THSD4: variants seen among roughly 807,000 people sequenced by gnomAD.
THSD4 encodes the protein thrombospondin type 1 domain containing 4.
Under a neutral mutation model 119.0 loss-of-function variants are expected in THSD4, and 69 were observed. The ratio of observed to expected loss-of-function variants is 0.58; its 90% CI spans 0.48 to 0.71. The LOEUF (loss-of-function observed/expected upper bound fraction) is 0.71, where lower values mean the gene tolerates loss of function less well. THSD4 is among the 30% of genes least tolerant of loss of function. THSD4 has a pLI of 0.00. For synonymous variants in THSD4, 524 were observed against 540.4 expected (o/e 0.97, Z 0.42); for missense variants, 1,393 against 1,391.1 (o/e 1.00, Z -0.02).
chr15:71,364,403 A>C (rs1482920249), intron 6 of THSD4, among the ~76,000 whole-genome samples: 4 of 152,242 alleles, frequency 2.6e-5, no homozygotes, highest in African/African-American at 9.6e-5. Context: ...TGTTTCTAAT[A>C]CAGATTAATT....
intron 3 of THSD4, among the ~76,000 whole-genome samples, chr15:71,191,487 G>A (rs2043670898): frequency 6.6e-6 from 1 of 152,148 alleles, no homozygotes. Flanking sequence ...ATTATTTGCT[G>A]CGTGCCAGGC....
In THSD4 at chr15:71,350,141, TAAA is replaced by T. The variant is rs3086680; in HGVS notation, c.1016-61528_1016-61526del. On this transcript the variant is annotated intron_variant, in intron 6 of 17. Coordinates refer to ENST00000261862, the MANE Select transcript of THSD4 (RefSeq NM_024817.3). ...AATAATTATATAAACTGCAAATTAC[TAAA>T]AAAAAAAAAAAAAAAAATGAACATT... 2.0e-3 allele frequency among the ~76,000 whole-genome samples: 222 copies of T among 111,140 alleles called. 1 individual carries two copies. The highest frequency in any genetic ancestry group is 8.2e-3 in the East Asian group (36 of 4,408). The allele number at this position is 111,140 out of a possible 152,430, so 72.9% of individuals were successfully genotyped here.
intron 7 of THSD4, among the ~76,000 whole-genome samples, chr15:71,442,658 GTGTATATATATATATATATATATATATA>G (rs2047121211): frequency 3.2e-5 from 1 of 31,348 alleles, no homozygotes; most frequent in African/African-American, 9.9e-5. Flanking sequence ...GTGTGTGTGT[GTGTATATATATATATATATATATATATA>G]TATATATATA....
intron 7 of THSD4, among the ~76,000 whole-genome samples, chr15:71,424,049 A>G (rs2046840397): frequency 6.6e-6 from 1 of 152,164 alleles, no homozygotes; most frequent in Non-Finnish European, 1.5e-5. Flanking sequence ...CTGCTGGGGA[A>G]TAGGAGAGGA....
chr15:71,259,989 G>A (rs73433472), intron 6 of THSD4, among the ~76,000 whole-genome samples: 4,423 of 152,222 alleles, frequency 0.029, 221 homozygotes, highest in African/African-American at 0.1. Context: ...ACTACACTGA[G>A]CAGTGTGCGT....
chr15:71,630,421 G>A (rs972215688), intron 7 of THSD4, among the ~76,000 whole-genome samples: 2 of 152,122 alleles, frequency 1.3e-5, no homozygotes, highest in African/African-American at 2.4e-5. Flanking sequence ...CAAAACATTT[G>A]TTTATATTTT....
intron 6 of THSD4, among the ~76,000 whole-genome samples, chr15:71,365,832 A>T (rs2045954773): frequency 6.6e-6 from 1 of 152,046 alleles, no homozygotes; most frequent in South Asian, 2.1e-4. Flanking sequence ...GACTTTTTTG[A>T]TCACTCTCAA....
At chr15:71,161,218 T>C (rs2043247216) in intron 3 of THSD4, among the ~76,000 whole-genome samples, 1 of 152,116 alleles carries the variant, frequency 6.6e-6, no homozygotes, top group Admixed American at 6.5e-5. Flanking sequence ...AGAATGTGTA[T>C]TCTGCATCTC....
Position 71,436,267 on chromosome 15 carries a change from T to C in THSD4, c.1152+24444T>C, listed in dbSNP as rs555475687. 4.6e-5 allele frequency among the ~76,000 whole-genome samples: 7 copies of C among 151,944 alleles called. No individual in the cohort carries two copies. In the South Asian group the frequency reaches 1.5e-3, roughly 32 times the overall value. ...TTCTACCCTGTGATACCCTTATTTA[T>C]GACAAAACAAAACAGGAAGACAAAG... On this transcript the variant is annotated intron_variant, in intron 7 of 17. Transcript: ENST00000261862.
Position 71,731,118 on chromosome 15 carries a change from C to T in THSD4, c.1534-3C>T, listed in dbSNP as rs765696206. 1 of 1,614,088 alleles carries T rather than the reference C, an allele frequency of 6.2e-7. No homozygotes were observed. Among genetic ancestry groups the T allele is most frequent in the Non-Finnish European group, 8.5e-7 (1 of 1,179,978 alleles). ...GCGGTAACACTGATTTTTGTGTCAG[C>T]AGATGATACACCAGCAGCCAAACCC... On this transcript the variant is annotated splice_polypyrimidine_tract_variant and splice_region_variant and intron_variant, in intron 9 of 17. Transcript: ENST00000261862.
At chr15:71,438,107 C>T (rs1024784466) in intron 7 of THSD4, among the ~76,000 whole-genome samples, 8 of 152,176 alleles carry the variant, frequency 5.3e-5, no homozygotes, top group African/African-American at 1.9e-4. Context: ...CCACCCTGGT[C>T]CCAGCTCTGT....
At chr15:71,217,096 C>T (rs983272423) in intron 4 of THSD4, among the ~76,000 whole-genome samples, 1 of 152,166 alleles carries the variant, frequency 6.6e-6, no homozygotes, top group African/African-American at 2.4e-5. Flanking sequence ...TGCGCCTGGC[C>T]CATAGTCCCT....
At position 71,763,344 on chromosome 15, in the gene THSD4, T is replaced by C. The variant is rs146592016; in HGVS notation, c.2590-1676T>C. On this transcript the variant is annotated intron_variant, in intron 15 of 17. Transcript: ENST00000261862. The stretch of plus-strand genomic sequence containing the variant: ...TGAACTGCAGACATTGTTGCAGGCT[T>C]CTTATAAAGGTAGTCGATTCTTTAA... 6.1e-4 allele frequency among the ~76,000 whole-genome samples: 93 copies of C among 151,610 alleles called. No individual in the cohort carries two copies. The East Asian group carries it at 0.01, about 17-fold the overall frequency.
chr15:71,743,049 T>A (rs2141163799), intron 11 of THSD4, among the ~76,000 whole-genome samples: 1 of 90,950 alleles, frequency 1.1e-5, no homozygotes, highest in African/African-American at 3.6e-5. Flanking sequence ...AGCTAAACTC[T>A]GTCTCAAAAA....
Position 71,161,446 on chromosome 15 carries a change from G to A in THSD4, c.99+6514G>A, listed in dbSNP as rs374446776. Among the ~76,000 whole-genome samples the A allele has an allele frequency of 4.6e-5, 7 of 152,088 alleles. No individual in the cohort carries two copies. The East Asian group carries it at 9.7e-4, about 21-fold the overall frequency. On this transcript the variant is annotated intron_variant, in intron 3 of 17. Coordinates refer to ENST00000261862, the MANE Select transcript of THSD4 (RefSeq NM_024817.3). ...AGATGCTCCAGTGTTGGGTGCATAC[G>A]TATTTATAATGATTATATCCTCTTA...
intron 7 of THSD4, among the ~76,000 whole-genome samples, chr15:71,563,476 C>T (rs2049166959): frequency 6.6e-6 from 1 of 152,094 alleles, no homozygotes; most frequent in Non-Finnish European, 1.5e-5. Flanking sequence ...TAAAGGCGGC[C>T]CTCTAATTAT....
chr15:71,280,611 C>T (rs549603872), intron 6 of THSD4, among the ~76,000 whole-genome samples: 4 of 151,604 alleles, frequency 2.6e-5, no homozygotes, highest in Non-Finnish European at 4.4e-5. Context: ...TCCCTCCCTC[C>T]CTCTCTCTCT....
intron 6 of THSD4, among the ~76,000 whole-genome samples, chr15:71,374,374 A>G (rs1356827759): frequency 1.3e-5 from 2 of 152,248 alleles, no homozygotes; most frequent in Non-Finnish European, 2.9e-5. Context: ...GAGCTGGATA[A>G]GAGAGAGATC....
At position 71,379,490 on chromosome 15, in the gene THSD4, G is replaced by T. The variant is rs186053644; in HGVS notation, c.1016-32197G>T. Among the ~76,000 whole-genome samples, 470 of 106,480 alleles carry T rather than the reference G, an allele frequency of 4.4e-3. 3 individuals carry two copies. The highest frequency in any genetic ancestry group is 0.014 in the Admixed American group (92 of 6,800). The allele number at this position is 106,480 out of a possible 152,430, so 69.9% of individuals were successfully genotyped here. A position where few individuals can be genotyped will look rare whatever the true frequency, so the allele number is the denominator to read the frequency against. On this transcript the variant is annotated intron_variant, in intron 6 of 17. Transcript: ENST00000261862. ...TTTTTTTTTTTTGAGATGGAGTCTTGCTCTATCGCCCAGGCTGGAGTGCAG... is the reference window on the plus strand; with the variant it reads ...TTTTTTTTTTTTGAGATGGAGTCTTTCTCTATCGCCCAGGCTGGAGTGCAG...
Sources: gnomAD v4.1 joint callset for allele counts (sites outside exome capture counted in the v4.1 genomes callset) on GRCh38, gnomAD v4.1.1 for gene constraint, MANE v1.5 for transcripts, NCBI Gene and HGNC (gene_info 2026-07-23, HGNC 2026-07-21) for gene names.